The following ASXL3 variants were observed in gnomAD, a reference collection of about 807,000 sequenced individuals.
ASXL3 encodes the protein ASXL transcriptional regulator 3.
Under a neutral mutation model 170.6 loss-of-function variants are expected in ASXL3, and 34 were observed. That is an observed-to-expected ratio of 0.20 (90% confidence interval 0.15 to 0.27). The LOEUF (loss-of-function observed/expected upper bound fraction) is 0.27, where lower values mean the gene tolerates loss of function less well. Ranked by LOEUF, ASXL3 falls within the 10% of genes least tolerant of loss-of-function variation. The pLI, the probability that ASXL3 is intolerant of heterozygous loss-of-function variation, is 1.00. For synonymous variants in ASXL3, 1,002 were observed against 989.1 expected, an observed-to-expected ratio of 1.01 and a Z score of -0.24; for missense variants, 2,592 against 2,695.3, an observed-to-expected ratio of 0.96 and a Z score of 0.85.
rs768276675 is a variant in ASXL3, at chr18:33,749,573, G to C, written c.*2978G>C. 1 of 151,986 alleles carries C rather than the reference G, an allele frequency of 6.6e-6. No individual in the cohort carries two copies. Among genetic ancestry groups the C allele is most frequent in the Non-Finnish European group, 1.5e-5 (1 of 67,990 alleles). 9.4% of individuals were successfully genotyped at this position (151,986 alleles called of 1,614,324 possible). On this transcript the variant is annotated 3_prime_UTR_variant, in exon 12 of 12. Coordinates refer to ENST00000269197, the MANE Select transcript of ASXL3 (RefSeq NM_030632.3). ...TGCCTGAGGTGTATAAAGACATTTA[G>C]GTTAGTTAATGGGCATGTTAATAAG...
chr18:33,717,476 C>T (rs1248333936), intron 8 of ASXL3, among the ~76,000 whole-genome samples: 3 of 152,072 alleles, frequency 2.0e-5, no homozygotes, highest in Non-Finnish European at 4.4e-5. Context: ...CATATAACAG[C>T]ATTGCAAGTA....
At chr18:33,616,433 C>T (rs916339809) in intron 2 of ASXL3, among the ~76,000 whole-genome samples, 15 of 150,486 alleles carry the variant, frequency 1.0e-4, no homozygotes, top group Admixed American at 3.3e-4. Flanking sequence ...TGTGTGTACA[C>T]GTGCATGCAT....
chr18:33,605,097 C>G (rs2065229961), intron 1 of ASXL3, among the ~76,000 whole-genome samples: 1 of 151,944 alleles, frequency 6.6e-6, no homozygotes, highest in South Asian at 2.1e-4. Flanking sequence ...GATCTCCCAC[C>G]AAAACATCCA....
At chr18:33,647,424 C>T (rs985939197) in intron 4 of ASXL3, among the ~76,000 whole-genome samples, 1 of 152,084 alleles carries the variant, frequency 6.6e-6, no homozygotes, top group Non-Finnish European at 1.5e-5. Flanking sequence ...TTTTACTTTT[C>T]ATGTGACTTG....
rs571647912 is a variant in ASXL3 at position 33,713,351 on chromosome 18, G to A, written c.880-18617G>A. 2.5e-4 allele frequency among the ~76,000 whole-genome samples: 27 copies of A among 106,122 alleles called. No homozygotes were observed. The East Asian group carries it at 2.8e-3, about 11-fold the overall frequency. The allele number at this position is 106,122 out of a possible 152,430, so 69.6% of individuals were successfully genotyped here. On this transcript the variant is annotated intron_variant, in intron 8 of 11. Coordinates refer to ENST00000269197, the MANE Select transcript of ASXL3 (RefSeq NM_030632.3). ...CTCACTGCAACCTCCACCCCCCCCC[G>A]GGTTCAAGTGATTCTCCTGCCTCAG...
chr18:33,634,167 A>G (rs990779164), intron 2 of ASXL3, among the ~76,000 whole-genome samples: 2 of 152,150 alleles, frequency 1.3e-5, no homozygotes, highest in African/African-American at 2.4e-5. Flanking sequence ...GCATGAAAAC[A>G]TTAATTGAAT....
intron 4 of ASXL3, among the ~76,000 whole-genome samples, chr18:33,648,687 G>A (rs2065952605): frequency 6.6e-6 from 1 of 151,872 alleles, no homozygotes; most frequent in African/African-American, 2.4e-5. Flanking sequence ...GGAACTGAAG[G>A]TAAATAGAAA....
chr18:33,690,904 C>T (rs768650477), intron 8 of ASXL3, among the ~76,000 whole-genome samples: 4 of 152,110 alleles, frequency 2.6e-5, no homozygotes, highest in Non-Finnish European at 5.9e-5. Flanking sequence ...AGTGCAGGTG[C>T]CCTCCTCACC....
intron 8 of ASXL3, among the ~76,000 whole-genome samples, chr18:33,704,901 T>A (rs1025921116): frequency 6.6e-6 from 1 of 151,902 alleles, no homozygotes; most frequent in South Asian, 2.1e-4. Flanking sequence ...GTTTCTTTAA[T>A]CTCCTTTTGG....
intron 4 of ASXL3, among the ~76,000 whole-genome samples, chr18:33,652,554 A>G (rs1235111835): frequency 6.8e-6 from 1 of 146,724 alleles, no homozygotes; most frequent in Non-Finnish European, 1.5e-5. Context: ...TTCAGGGAGG[A>G]AGCAGCACTC....
intron 8 of ASXL3, among the ~76,000 whole-genome samples, chr18:33,692,954 G>A (rs1246603514): frequency 1.3e-5 from 2 of 152,126 alleles, no homozygotes; most frequent in Admixed American, 1.3e-4. Flanking sequence ...TAAGATAAAG[G>A]TGCCAGCATG....
intron 8 of ASXL3, among the ~76,000 whole-genome samples, chr18:33,726,391 G>A (rs2067351275): frequency 6.6e-6 from 1 of 152,038 alleles, no homozygotes; most frequent in Admixed American, 6.6e-5. Flanking sequence ...ATCTGCTAAA[G>A]CTATGCTGTC....
chr18:33,727,040 G>C (rs1168951179), intron 8 of ASXL3, among the ~76,000 whole-genome samples: 1 of 152,114 alleles, frequency 6.6e-6, no homozygotes, highest in Non-Finnish European at 1.5e-5. Context: ...TATTAGAGAG[G>C]CTCATCCTGA....
intron 9 of ASXL3, among the ~76,000 whole-genome samples, chr18:33,732,474 C>CA (rs1446685571): frequency 6.6e-6 from 1 of 152,096 alleles, no homozygotes; most frequent in Non-Finnish European, 1.5e-5. Context: ...ACAGAATGCC[C>CA]AATGCTACTG....
intron 1 of ASXL3, among the ~76,000 whole-genome samples, chr18:33,582,189 A>G (rs2064999114): frequency 6.6e-6 from 1 of 152,180 alleles, no homozygotes; most frequent in African/African-American, 2.4e-5. Context: ...ATAAAAATCA[A>G]AACCATAACT....
At chr18:33,690,387 A>G (rs1488810825) in intron 8 of ASXL3, 1 of 152,146 alleles carries the variant, frequency 6.6e-6, no homozygotes, top group African/African-American at 2.4e-5. Context: ...AACTACACTT[A>G]TGTATAGGTA....
intron 2 of ASXL3, among the ~76,000 whole-genome samples, chr18:33,623,150 G>T (rs1462031818): frequency 6.6e-6 from 1 of 152,088 alleles, no homozygotes; most frequent in Non-Finnish European, 1.5e-5. Context: ...GCACCTCCTT[G>T]TGAAGAATTC....
chr18:33,702,157 A>G (rs1188927115), intron 8 of ASXL3, among the ~76,000 whole-genome samples: 1 of 152,192 alleles, frequency 6.6e-6, no homozygotes, highest in Admixed American at 6.5e-5. Context: ...ATTTAAAGAT[A>G]TTTAAAATGC....
rs976295799 is a variant in ASXL3, at chr18:33,745,141, C to T, written c.5293C>T (p.Pro1765Ser). Residue 1765 changes from proline (P) to serine (S), a missense_variant, in exon 12 of 12, where the codon CCA becomes TCA. Physicochemically the swap from Pro to Ser is moderately conservative, Grantham distance 74 (BLOSUM62 -1). Coordinates refer to ENST00000269197, the MANE Select transcript of ASXL3 (RefSeq NM_030632.3). The stretch of plus-strand genomic sequence containing the variant: ...CAACCTGCCTTTGGAAAAAGTGTTG[C>T]CACAGCCCAGATTGGGAGCCAAGCT... The part of the protein sequence containing the change: ...QGNLPLEKVL[P>S]QPRLGAKLEI... 1.2e-6 allele frequency: 2 copies of T among 1,613,982 alleles called. No homozygotes were observed. The highest frequency in any genetic ancestry group is 1.7e-6 in the Non-Finnish European group (2 of 1,179,900).
Sources: gnomAD v4.1 joint callset for allele counts (sites outside exome capture counted in the v4.1 genomes callset) on GRCh38, gnomAD v4.1.1 for gene constraint, MANE v1.5 for transcripts, NCBI Gene and HGNC (gene_info 2026-07-23, HGNC 2026-07-21) for gene names.